SLC16A10: variants seen among roughly 807,000 people sequenced by gnomAD.
SLC16A10 encodes the protein solute carrier family 16 member 10.
Under a neutral mutation model 40.0 loss-of-function variants are expected in SLC16A10, and 27 were observed. That is an observed-to-expected ratio of 0.67 (90% CI 0.50 to 0.93). The LOEUF is 0.93. Ranked by LOEUF, SLC16A10 falls within the 40% of genes least tolerant of loss-of-function variation. The pLI is 0.00. For missense variants in SLC16A10, 529 were observed against 658.2 expected (o/e 0.80, Z 2.15); for synonymous variants, 213 against 249.8 (o/e 0.85, Z 1.39).
chr6:111,138,651 T>C (rs1450888881), intron 1 of SLC16A10, among the ~76,000 whole-genome samples: 3 of 152,104 alleles, frequency 2.0e-5, no homozygotes, highest in Non-Finnish European at 4.4e-5. Flanking sequence ...TGGTGCTTTT[T>C]TTTTTTCTTT....
chr6:111,228,375 G>A lies in SLC16A10; in HGVS notation c.*6140G>A, dbSNP rs1207108470. ...TTTTAAAATGCTGTTCTTGAGTGTG[G>A]CAATAGTGTAGGAGTTAACCCAGTC... On this transcript the variant is annotated 3_prime_UTR_variant, in exon 6 of 6. Coordinates refer to ENST00000368851, the MANE Select transcript of SLC16A10 (RefSeq NM_018593.5). The A allele has an allele frequency of 5.9e-5, 9 of 152,160 alleles. No individual in the cohort carries two copies. Among genetic ancestry groups the A allele is most frequent in the Non-Finnish European group, 2.9e-5 (2 of 68,022 alleles). 9.4% of individuals were successfully genotyped at this position (152,160 alleles called of 1,614,324 possible).
At position 111,224,252 on chromosome 6, in the gene SLC16A10, C is replaced by CA. The variant is rs1770951471; in HGVS notation, c.*2023dup. The CA allele has an allele frequency of 6.6e-6, 1 of 152,064 alleles. No homozygotes were observed. Among genetic ancestry groups the CA allele is most frequent in the Non-Finnish European group, 1.5e-5 (1 of 68,012 alleles). 9.4% of individuals were successfully genotyped at this position (152,064 alleles called of 1,614,324 possible). A position where few individuals can be genotyped will look rare whatever the true frequency, so the allele number is the denominator to read the frequency against. On this transcript the variant is annotated 3_prime_UTR_variant, in exon 6 of 6. Transcript: ENST00000368851. Reference sequence around the variant, plus strand: ...CCTGTCTGTAAAAGAAAATCAAAAACAAAAAATAAATGTTAAATTTTGTTT... The same window carrying CA: ...CCTGTCTGTAAAAGAAAATCAAAAACAAAAAAATAAATGTTAAATTTTGTTT...
chr6:111,155,157 A>G (rs1203608643), intron 1 of SLC16A10, among the ~76,000 whole-genome samples: 1 of 150,832 alleles, frequency 6.6e-6, no homozygotes, highest in Non-Finnish European at 1.5e-5. Context: ...ACACCGCACA[A>G]TCTTCCTATC....
chr6:111,152,725 T>G (rs1173826583), intron 1 of SLC16A10, among the ~76,000 whole-genome samples: 2 of 152,202 alleles, frequency 1.3e-5, no homozygotes, highest in African/African-American at 4.8e-5. Context: ...GAGGAATGCC[T>G]TATTGTGGAC....
At chr6:111,173,384 C>T (rs1380147421) in intron 2 of SLC16A10, 1 of 152,388 alleles carries the variant, frequency 6.6e-6, no homozygotes, top group Non-Finnish European at 1.5e-5. Flanking sequence ...TGAAGTGGTC[C>T]AATGTACCTT....
intron 1 of SLC16A10, among the ~76,000 whole-genome samples, chr6:111,093,313 C>T (rs1002180061): frequency 2.0e-5 from 3 of 152,190 alleles, no homozygotes; most frequent in East Asian, 1.9e-4. Flanking sequence ...TAATCTTTAA[C>T]GCAACTCTAC....
At chr6:111,115,376 T>G (rs1771467269) in intron 1 of SLC16A10, among the ~76,000 whole-genome samples, 1 of 152,190 alleles carries the variant, frequency 6.6e-6, no homozygotes, top group Non-Finnish European at 1.5e-5. Flanking sequence ...CGCCGGCTAA[T>G]TTTTGTATTT....
intron 1 of SLC16A10, among the ~76,000 whole-genome samples, chr6:111,105,503 T>G (rs1771268336): frequency 6.6e-6 from 1 of 152,094 alleles, no homozygotes; most frequent in Admixed American, 6.6e-5. Context: ...TAATGGACAT[T>G]TGAGGTTTGT....
In SLC16A10 at chr6:111,226,987, T is replaced by C. The variant is rs1174157972; in HGVS notation, c.*4752T>C. 1 of 152,240 alleles carries C rather than the reference T, an allele frequency of 6.6e-6. No homozygotes were observed. Among genetic ancestry groups the C allele is most frequent in the African/African-American group, 2.4e-5 (1 of 41,446 alleles). The allele number at this position is 152,240 out of a possible 1,614,324, so 9.4% of individuals were successfully genotyped here. A position where few individuals can be genotyped will look rare whatever the true frequency, so the allele number is the denominator to read the frequency against. On this transcript the variant is annotated 3_prime_UTR_variant, in exon 6 of 6. Coordinates refer to ENST00000368851, the MANE Select transcript of SLC16A10 (RefSeq NM_018593.5). ...TCTCTACAAAAAAAATTTAGCCAGCTTGGTGGCACATGCCTGTAGTCCCAG... is the reference window on the plus strand; with the variant it reads ...TCTCTACAAAAAAAATTTAGCCAGCCTGGTGGCACATGCCTGTAGTCCCAG...
chr6:111,185,387 C>T (rs559102212), intron 3 of SLC16A10, among the ~76,000 whole-genome samples: 1 of 152,316 alleles, frequency 6.6e-6, no homozygotes, highest in Admixed American at 6.5e-5. Flanking sequence ...TCTGTTCTCT[C>T]AGAACGAAGA....
At chr6:111,160,203 C>A (rs1020508544) in intron 1 of SLC16A10, among the ~76,000 whole-genome samples, 8 of 152,148 alleles carry the variant, frequency 5.3e-5, no homozygotes, top group Non-Finnish European at 2.9e-5. Context: ...TCTAAGAAAT[C>A]TTTGCCTAAA....
At position 111,200,452 on chromosome 6, in the gene SLC16A10, T is replaced by G. The variant is rs775658673; in HGVS notation, c.943-6140T>G. On this transcript the variant is annotated intron_variant, in intron 3 of 5. Transcript: ENST00000368851. ...ACTCAAGTCTATGGAGTTTGTTTTC[T>G]TCCACCTTTAATCACCTCACTCGGC... Among the ~76,000 whole-genome samples, 98 of 152,326 alleles carry G rather than the reference T, an allele frequency of 6.4e-4. 2 individuals are homozygous for G. The highest frequency in any genetic ancestry group is 3.4e-3 in the Middle Eastern group (1 of 294).
At chr6:111,182,006 C>T (rs76159982) in intron 3 of SLC16A10, among the ~76,000 whole-genome samples, 9,594 of 151,228 alleles carry the variant, frequency 0.063, 433 homozygotes, top group Non-Finnish European at 0.1. Context: ...TTTTTGTTTT[C>T]GTTTTTTTTT....
At chr6:111,201,421 G>A (rs906115900) in intron 3 of SLC16A10, among the ~76,000 whole-genome samples, 9 of 152,006 alleles carry the variant, frequency 5.9e-5, no homozygotes, top group African/African-American at 1.9e-4. Context: ...CTCTGTATAC[G>A]GCCTTTGTTA....
At chr6:111,178,842 T>C (rs918595176) in intron 3 of SLC16A10, 1 of 165,676 alleles carries the variant, frequency 6.0e-6, no homozygotes, top group African/African-American at 2.4e-5. Flanking sequence ...CATCCTGATC[T>C]GATAGTCCAT....
At chr6:111,217,677 C>T (rs761465625) in intron 4 of SLC16A10, among the ~76,000 whole-genome samples, 1 of 152,116 alleles carries the variant, frequency 6.6e-6, no homozygotes, top group Non-Finnish European at 1.5e-5. Flanking sequence ...GTCTCGATCT[C>T]CCGACCTCAT....
chr6:111,170,510 C>T (rs561312170), intron 1 of SLC16A10, among the ~76,000 whole-genome samples: 4 of 152,252 alleles, frequency 2.6e-5, no homozygotes, highest in South Asian at 2.1e-4. Context: ...TGCGCAGTGG[C>T]GCGATCTCGG....
chr6:111,183,452 G>A (rs354529), intron 3 of SLC16A10, among the ~76,000 whole-genome samples: 83,520 of 152,056 alleles, frequency 0.55, 23,105 homozygotes, highest in East Asian at 0.73. Flanking sequence ...AGCATCTAGC[G>A]CAGTGCCTAG....
At chr6:111,167,662 TGAGA>T (rs142460950) in intron 1 of SLC16A10, among the ~76,000 whole-genome samples, 1 of 150,514 alleles carries the variant, frequency 6.6e-6, no homozygotes, top group Non-Finnish European at 1.5e-5. Flanking sequence ...TGTGTGTATG[TGAGA>T]GAGAGAGAGA....
Sources: allele counts gnomAD v4.1 joint callset (sites outside exome capture counted in the v4.1 genomes callset), GRCh38; gene constraint gnomAD v4.1.1; transcripts MANE v1.5; gene names NCBI Gene and HGNC (gene_info 2026-07-23, HGNC 2026-07-21).